Variants in HIPK1 observed in about 807,000 individuals in gnomAD.
HIPK1 encodes homeodomain-interacting protein kinase 1.
In HIPK1, 28 loss-of-function variants were observed where a neutral mutation model predicts 117.1. That is an observed-to-expected ratio of 0.24 (90% CI 0.18 to 0.33). HIPK1 has a LOEUF of 0.33. HIPK1 is among the 10% of genes least tolerant of loss of function. HIPK1 has a pLI of 1.00. For missense variants in HIPK1, 1,122 were observed against 1,475.1 expected (o/e 0.76, Z 3.92); for synonymous variants, 605 against 562.5 (o/e 1.08, Z -1.07).
chr1:113,949,028 G>A (rs1017323661), intron 2 of HIPK1, among the ~76,000 whole-genome samples: 15 of 152,016 alleles, frequency 9.9e-5, no homozygotes, highest in African/African-American at 3.6e-4. Context: ...AGTAGAGACT[G>A]GGTTTCATCA....
intron 2 of HIPK1, among the ~76,000 whole-genome samples, chr1:113,948,868 C>T (rs954009100): frequency 1.3e-5 from 2 of 151,884 alleles, no homozygotes; most frequent in Non-Finnish European, 2.9e-5. Flanking sequence ...GACGGAGTTT[C>T]GCTCTTACGC....
intron 2 of HIPK1, among the ~76,000 whole-genome samples, chr1:113,947,455 A>G (rs1020128169): frequency 3.9e-5 from 6 of 152,230 alleles, no homozygotes; most frequent in African/African-American, 1.2e-4. Context: ...CTGGCAGTCA[A>G]AATATAGTTT....
At chr1:113,932,881 C>T (rs1433255919) in intron 1 of HIPK1, among the ~76,000 whole-genome samples, 1 of 152,194 alleles carries the variant, frequency 6.6e-6, no homozygotes, top group Non-Finnish European at 1.5e-5. Context: ...AAAGAGCCTC[C>T]TCCATCTTCC....
chr1:113,931,480 T>C (rs1056710946), intron 1 of HIPK1, among the ~76,000 whole-genome samples: 2 of 152,124 alleles, frequency 1.3e-5, no homozygotes, highest in African/African-American at 4.8e-5. Context: ...AAATGGTGAA[T>C]GAGATCTTAT....
At chr1:113,953,563 G>A (rs1303045581) in intron 3 of HIPK1, among the ~76,000 whole-genome samples, 1 of 152,044 alleles carries the variant, frequency 6.6e-6, no homozygotes, top group Admixed American at 6.6e-5. Flanking sequence ...TGTCACCCAG[G>A]CTGGAGTGCA....
chr1:113,957,495 T>TGCCC (rs1671801360), intron 7 of HIPK1, among the ~76,000 whole-genome samples: 1 of 152,214 alleles, frequency 6.6e-6, no homozygotes, highest in Admixed American at 6.5e-5. Flanking sequence ...GCCTAATCCA[T>TGCCC]GCCCTCATAT....
intron 1 of HIPK1, among the ~76,000 whole-genome samples, chr1:113,933,744 G>A (rs546582081): frequency 2.6e-5 from 4 of 152,240 alleles, no homozygotes; most frequent in African/African-American, 9.6e-5. Flanking sequence ...GCATGTACTG[G>A]TAGTCCCAGT....
At chr1:113,954,836 AAGTTT>A in intron 4 of HIPK1, 66 bp downstream of exon 4, 15 of 1,374,186 alleles carry the variant, frequency 1.1e-5, no homozygotes, top group Non-Finnish European at 1.5e-5. Flanking sequence ...TTTGAATTCA[AAGTTT>A]AGTTATTAAA....
chr1:113,964,203 T>C (rs1379567183), intron 10 of HIPK1, among the ~76,000 whole-genome samples: 1 of 152,206 alleles, frequency 6.6e-6, no homozygotes, highest in African/African-American at 2.4e-5. Flanking sequence ...AAATTAAAAG[T>C]GGACACATTT....
At chr1:113,957,000 A>AT (rs1327762678) in intron 6 of HIPK1, 124 bp from the exon 7 acceptor site, 13 of 929,204 alleles carry the variant, frequency 1.4e-5, no homozygotes, top group Non-Finnish European at 2.1e-5. Context: ...GATTATACAA[A>AT]TTCTTGATTT....
At chr1:113,930,848 C>A (rs1340149639) in intron 1 of HIPK1, 1 of 152,228 alleles carries the variant, frequency 6.6e-6, no homozygotes, top group African/African-American at 2.4e-5. Context: ...GGGGGAAAAC[C>A]CCCAAGCTCC....
At chr1:113,932,209 T>G (rs1010264936) in intron 1 of HIPK1, 1 of 152,170 alleles carries the variant, frequency 6.6e-6, no homozygotes, top group African/African-American at 2.4e-5. Flanking sequence ...AGCAACATTT[T>G]AAGTTTTTTG....
intron 8 of HIPK1, among the ~76,000 whole-genome samples, chr1:113,962,050 T>G (rs1169715497): frequency 6.6e-6 from 1 of 152,138 alleles, no homozygotes; most frequent in Admixed American, 6.5e-5. Context: ...AATATTGTGT[T>G]TTAAATTTTG....
chr1:113,970,276 T>C (rs548133803), intron 14 of HIPK1, 79 bp downstream of exon 14: 9 of 1,486,858 alleles, frequency 6.1e-6, no homozygotes, highest in Admixed American at 3.4e-5. Flanking sequence ...AATCCACTTA[T>C]ATCAGTGGTA....
Position 113,929,424 on chromosome 1 carries a change from C to A in HIPK1, c.-111C>A. The A allele has an allele frequency of 1.6e-6, 2 of 1,289,368 alleles. No individual in the cohort carries two copies. The highest frequency in any genetic ancestry group is 3.0e-5 in the African/African-American group (2 of 65,960). The allele number at this position is 1,289,368 out of a possible 1,614,324, so 79.9% of individuals were successfully genotyped here. On this transcript the variant is annotated 5_prime_UTR_variant, in exon 1 of 16. Transcript: ENST00000426820. ...GGGAAGTCCAGGCCCCGCACTCGAT[C>A]CACGCTGGCTCCCTACGGAGGCCCA...
At chr1:113,971,134 A>G (rs1194632437) in intron 14 of HIPK1, among the ~76,000 whole-genome samples, 1 of 152,204 alleles carries the variant, frequency 6.6e-6, no homozygotes, top group Admixed American at 6.5e-5. Context: ...ATTTGAGGGT[A>G]TTGTGTTATG....
intron 6 of HIPK1, 67 bp downstream of exon 6, chr1:113,956,878 C>A: frequency 7.0e-7 from 1 of 1,421,180 alleles, no homozygotes; most frequent in Non-Finnish European, 9.8e-7. Flanking sequence ...TTATCAATGG[C>A]ACTATCAAAT....
intron 14 of HIPK1, 37 bp downstream of exon 14, chr1:113,970,234 T>C (rs1284879528): frequency 6.2e-7 from 1 of 1,609,380 alleles, no homozygotes; most frequent in African/African-American, 1.3e-5. Flanking sequence ...TGAATTCTCC[T>C]TTGATGTGTG....
chr1:113,932,794 C>A (rs1433872393), intron 1 of HIPK1, among the ~76,000 whole-genome samples: 1 of 152,152 alleles, frequency 6.6e-6, no homozygotes, highest in Admixed American at 6.5e-5. Flanking sequence ...TTAAATATAT[C>A]TCCTTACTCT....
Sources: gnomAD v4.1 joint callset for allele counts (sites outside exome capture counted in the v4.1 genomes callset) on GRCh38, gnomAD v4.1.1 for gene constraint, MANE v1.5 for transcripts, NCBI Gene and HGNC (gene_info 2026-07-23, HGNC 2026-07-21) for gene names.